FRMD4A: variants seen among roughly 807,000 people sequenced by gnomAD.
The protein encoded by FRMD4A is FERM domain-containing protein 4A.
FRMD4A carries 29 observed loss-of-function variants against 129.1 expected under a neutral mutation model. The ratio of observed to expected loss-of-function variants is 0.22; its 90% CI spans 0.17 to 0.31. The LOEUF (loss-of-function observed/expected upper bound fraction) is 0.31. Ranked by LOEUF, FRMD4A falls within the 10% of genes least tolerant of loss-of-function variation. FRMD4A has a pLI of 1.00. For synonymous variants in FRMD4A, 634 were observed against 571.6 expected (o/e 1.11, Z -1.56); for missense variants, 1,272 against 1,375.8 (o/e 0.92, Z 1.19).
intron 2 of FRMD4A, among the ~76,000 whole-genome samples, chr10:13,950,816 G>C (rs1043512076): frequency 3.3e-5 from 5 of 152,162 alleles, no homozygotes; most frequent in Non-Finnish European, 7.3e-5. Context: ...ATCATGTCAG[G>C]AAGTCCTCCC....
chr10:14,116,938 C>A lies in FRMD4A; in HGVS notation c.45+213120G>T, dbSNP rs183120408. Among the ~76,000 whole-genome samples, 17 of 152,346 alleles carry A rather than the reference C, an allele frequency of 1.1e-4. No homozygotes were observed. In the East Asian group the frequency reaches 3.3e-3, roughly 29 times the overall value. Reference sequence around the variant, plus strand: ...GGTTTGTTTTTGGTTAAAAGCAGGGCTCTGTGGCCATTGGGAGAATGTCCC... The same window carrying A: ...GGTTTGTTTTTGGTTAAAAGCAGGGATCTGTGGCCATTGGGAGAATGTCCC... On this transcript the variant is annotated intron_variant, in intron 2 of 24. Coordinates refer to ENST00000357447, the MANE Select transcript of FRMD4A (RefSeq NM_018027.5).
intron 2 of FRMD4A, among the ~76,000 whole-genome samples, chr10:14,310,762 G>A (rs1400392021): frequency 6.6e-6 from 1 of 152,112 alleles, no homozygotes; most frequent in African/African-American, 2.4e-5. Flanking sequence ...CCAATCTTAT[G>A]TGCCCTATGT....
intron 2 of FRMD4A, among the ~76,000 whole-genome samples, chr10:14,087,852 T>C (rs2767288): frequency 0.49 from 74,395 of 151,998 alleles, 19,170 homozygotes; most frequent in East Asian, 0.85. Flanking sequence ...CCGTGTGCAC[T>C]CCATTATTAA....
intron 13 of FRMD4A, among the ~76,000 whole-genome samples, chr10:13,703,544 T>C (rs7904656): frequency 0.99 from 150,258 of 152,220 alleles, 74,197 homozygotes; most frequent in East Asian, 1. Flanking sequence ...GTATCTGGCG[T>C]TGCCCATCCT....
chr10:14,329,247 G>C (rs941991359), intron 2 of FRMD4A, among the ~76,000 whole-genome samples: 1 of 152,170 alleles, frequency 6.6e-6, no homozygotes, highest in Non-Finnish European at 1.5e-5. Context: ...CCTGATGCAG[G>C]CTACTTCCGA....
At chr10:13,823,363 G>T (rs1299768772) in intron 3 of FRMD4A, among the ~76,000 whole-genome samples, 1 of 152,166 alleles carries the variant, frequency 6.6e-6, no homozygotes, top group African/African-American at 2.4e-5. Context: ...GTCTAGCGTG[G>T]CTCCCCTTGG....
At chr10:13,889,122 A>G (rs765907504) in intron 2 of FRMD4A, among the ~76,000 whole-genome samples, 1 of 152,270 alleles carries the variant, frequency 6.6e-6, no homozygotes, top group Non-Finnish European at 1.5e-5. Flanking sequence ...TTCATGCAGT[A>G]AAGGCAGTAA....
intron 2 of FRMD4A, among the ~76,000 whole-genome samples, chr10:13,898,689 CT>C (rs2094785963): frequency 6.6e-6 from 1 of 152,186 alleles, no homozygotes; most frequent in Non-Finnish European, 1.5e-5. Flanking sequence ...TTGCTAGGGT[CT>C]CACTATTGGT....
chr10:13,691,155 G>A (rs549766048), intron 15 of FRMD4A, among the ~76,000 whole-genome samples: 23 of 152,262 alleles, frequency 1.5e-4, no homozygotes, highest in Admixed American at 1.0e-3. Flanking sequence ...GCCTGGCTAA[G>A]TTTTGTATTT....
At chr10:13,798,311 C>T (rs113869047) in intron 4 of FRMD4A, among the ~76,000 whole-genome samples, 3,500 of 152,174 alleles carry the variant, frequency 0.023, 147 homozygotes, top group African/African-American at 0.081. Context: ...ACTCGGGAGG[C>T]TGAGGTAGGA....
intron 2 of FRMD4A, among the ~76,000 whole-genome samples, chr10:13,920,522 A>T (rs1454386615): frequency 1.3e-5 from 2 of 152,204 alleles, no homozygotes; most frequent in East Asian, 3.8e-4. Context: ...TTACAATACA[A>T]CCTTTGGTTG....
intron 2 of FRMD4A, among the ~76,000 whole-genome samples, chr10:14,114,187 A>C (rs1838079678): frequency 6.6e-6 from 1 of 152,206 alleles, no homozygotes. Context: ...TTTCCTGCAG[A>C]CTTGGGTGGA....
At chr10:13,899,114 A>G (rs866133191) in intron 2 of FRMD4A, among the ~76,000 whole-genome samples, 20 of 152,146 alleles carry the variant, frequency 1.3e-4, no homozygotes, top group African/African-American at 4.8e-4. Flanking sequence ...GAAGTTTGTG[A>G]TCGCACCACT....
chr10:13,685,441 G>C (rs1351478167), intron 15 of FRMD4A: 1 of 984,916 alleles, frequency 1.0e-6, no homozygotes, highest in Non-Finnish European at 1.2e-6. Context: ...TGAAACTATG[G>C]TTTGTAAATC....
At chr10:14,034,906 G>A (rs1378735849) in intron 2 of FRMD4A, among the ~76,000 whole-genome samples, 1 of 152,154 alleles carries the variant, frequency 6.6e-6, no homozygotes, top group Non-Finnish European at 1.5e-5. Context: ...AATAATGCAG[G>A]TGCATAGTGG....
intron 2 of FRMD4A, among the ~76,000 whole-genome samples, chr10:13,988,669 G>A (rs924253535): frequency 8.6e-5 from 13 of 151,792 alleles, no homozygotes; most frequent in East Asian, 3.9e-4. Context: ...CCGATAGATC[G>A]ATAGATAGAT....
intron 2 of FRMD4A, among the ~76,000 whole-genome samples, chr10:13,880,384 C>G (rs1409934723): frequency 6.6e-6 from 1 of 152,218 alleles, no homozygotes; most frequent in Admixed American, 6.5e-5. Context: ...ATATCCAGAA[C>G]CTGAACACTT....
At chr10:14,138,431 C>A (rs1564330731) in intron 2 of FRMD4A, among the ~76,000 whole-genome samples, 1 of 152,192 alleles carries the variant, frequency 6.6e-6, no homozygotes, top group African/African-American at 2.4e-5. Flanking sequence ...GCTTTACTAA[C>A]TTCCTAACGC....
intron 3 of FRMD4A, among the ~76,000 whole-genome samples, chr10:13,822,289 T>C (rs1663402743): frequency 6.6e-6 from 1 of 152,238 alleles, no homozygotes; most frequent in Non-Finnish European, 1.5e-5. Context: ...AACCACGATG[T>C]ACAATAGATC....
Sources: allele counts gnomAD v4.1 joint callset (sites outside exome capture counted in the v4.1 genomes callset), GRCh38; gene constraint gnomAD v4.1.1; transcripts MANE v1.5; gene names NCBI Gene and HGNC (gene_info 2026-07-23, HGNC 2026-07-21).